RBCK1: variants seen among roughly 807,000 people sequenced by gnomAD.
RBCK1 encodes RANBP2-type and C3HC4-type zinc finger containing 1.
RBCK1 carries 44 observed loss-of-function variants against 71.1 expected under a neutral mutation model. The ratio of observed to expected loss-of-function variants is 0.62; its 90% CI spans 0.49 to 0.80. The LOEUF (loss-of-function observed/expected upper bound fraction) is 0.80. Among genes scored for constraint, RBCK1 ranks in the 30% least tolerant of loss-of-function variants. The probability of loss-of-function intolerance (pLI) is 0.00; values close to 1 mark genes in which losing one functional copy is unlikely to be tolerated. For missense variants in RBCK1, 569 were observed against 685.0 expected (o/e 0.83, Z 1.89); for synonymous variants, 306 against 279.7 (o/e 1.09, Z -0.94).
rs374991295 is a variant in RBCK1, at chr20:428,908, C to T, written c.1309-43C>T. ...CATGGGGAGGGGCCAGGCTGGGTGA[C>T]TGCCCCAGCCCCGCCCCAGGGCCAG... On this transcript the variant is annotated intron_variant, in intron 10 of 11. Coordinates refer to ENST00000356286, the MANE Select transcript of RBCK1 (RefSeq NM_031229.4). This position sits in a 1 kb window ranked among gnomAD's most constrained non-coding sequence, Gnocchi z 5.7. 14 of 1,562,806 alleles carry T rather than the reference C, an allele frequency of 9.0e-6. No individual in the cohort carries two copies. The highest frequency in any genetic ancestry group is 2.3e-5 in the South Asian group (2 of 85,222).
At chr20:427,155 A>G (rs2016769661) in intron 8 of RBCK1, among the ~76,000 whole-genome samples, 158 bp from the exon 9 acceptor site, 1 of 151,982 alleles carries the variant, frequency 6.6e-6, no homozygotes. Flanking sequence ...CCACTCTTTG[A>G]ATGGAGTTTT....
At position 428,542 on chromosome 20, in the gene RBCK1, C is replaced by T. The variant is rs771360977; in HGVS notation, c.1261C>T (p.Arg421Trp). ...CKEYQEDLALRAQNDVAARQT... is the reference protein window; with the variant it reads ...CKEYQEDLALWAQNDVAARQT... ...GGAGTATCAGGAGGACCTGGCCCTGCGGGCTCAGAACGATGTGGCTGCCCG... is the reference window on the plus strand; with the variant it reads ...GGAGTATCAGGAGGACCTGGCCCTGTGGGCTCAGAACGATGTGGCTGCCCG... Residue 421 changes from arginine (R) to tryptophan (W), a missense_variant, in exon 10 of 12, where the codon CGG becomes TGG. Arg to Trp is a moderately radical substitution (Grantham distance 101, BLOSUM62 -3). Coordinates refer to ENST00000356286, the MANE Select transcript of RBCK1 (RefSeq NM_031229.4). The surrounding 1 kb of genome is among the most constrained non-coding windows in gnomAD (Gnocchi z 5.7). 1.2e-5 allele frequency: 20 copies of T among 1,612,444 alleles called. No homozygotes were observed. Among genetic ancestry groups the T allele is most frequent in the Non-Finnish European group, 1.5e-5 (18 of 1,179,446 alleles).
intron 4 of RBCK1, among the ~76,000 whole-genome samples, chr20:418,134 G>A (rs945192648): frequency 4.6e-5 from 7 of 152,192 alleles, no homozygotes; most frequent in African/African-American, 1.7e-4. Context: ...ACGGGGAGGG[G>A]TGGACTCCGT....
In RBCK1 at chr20:417,910, G is replaced by A. The variant is rs756500607; in HGVS notation, c.440G>A (p.Arg147Gln). 1.9e-6 allele frequency: 3 copies of A among 1,608,828 alleles called. No homozygotes were observed. Among genetic ancestry groups the A allele is most frequent in the African/African-American group, 1.3e-5 (1 of 74,932 alleles). Residue 147 changes from arginine to glutamine, a missense_variant, in exon 4 of 12, where the codon CGG becomes CAG. Coordinates refer to ENST00000356286, the MANE Select transcript of RBCK1 (RefSeq NM_031229.4). The surrounding 1 kb of genome is among the most constrained non-coding windows in gnomAD (Gnocchi z 4.7). The part of the protein sequence containing the change: ...SLNPQELQRE[R>Q]QLRMLEDLGF... ...AACCCTCAGGAGCTGCAGCGGGAGC[G>A]GCAGCTGCGGATGCTGGAAGGTGAG...
In RBCK1 at chr20:417,759, G is replaced by C. The variant is rs377298288; in HGVS notation, c.289G>C (p.Val97Leu). 6.2e-7 allele frequency: 1 copy of C among 1,613,988 alleles called. No individual in the cohort carries two copies. The highest frequency in any genetic ancestry group is 1.1e-5 in the South Asian group (1 of 91,078). The change falls in exon 4 of 12, where the codon GTC becomes CTC. Residue 97 changes from valine (V) to leucine (L), a missense_variant. Around this residue, in one of 2 missense-constraint regions of RBCK1, gnomAD observed 358 missense variants for 375.6 expected, o/e 0.95. Coordinates refer to ENST00000356286, the MANE Select transcript of RBCK1 (RefSeq NM_031229.4). The surrounding 1 kb of genome is among the most constrained non-coding windows in gnomAD (Gnocchi z 4.7). ...TTTTCTGGACTATGGCTTCCCACCA[G>C]TCTTGCAGCAGTGGGTGATTGGGCA... The part of the protein sequence containing the change: ...MVFLDYGFPP[V>L]LQQWVIGQRL...
chr20:421,167 C>G, intron 7 of RBCK1, 136 bp downstream of exon 7: 2 of 1,140,102 alleles, frequency 1.8e-6, no homozygotes, highest in South Asian at 1.6e-5. Flanking sequence ...GGCTCCGTCT[C>G]CCCATGTTGC....
chr20:410,686 C>T lies in RBCK1; in HGVS notation c.167+661C>T, dbSNP rs568390660. 2.2e-5 allele frequency: 14 copies of T among 643,786 alleles called. No individual in the cohort carries two copies. In the Middle Eastern group the frequency reaches 9.6e-4, roughly 44 times the overall value. The allele number at this position is 643,786 out of a possible 1,614,324, so 39.9% of individuals were successfully genotyped here. ...TACTGTCGGTCTGTGCTCCAGGAGA[C>T]TTAAACTCAATGCTGAAACACTTTG... On this transcript the variant is annotated intron_variant, in intron 2 of 11. Coordinates refer to ENST00000356286, the MANE Select transcript of RBCK1 (RefSeq NM_031229.4).
rs575457871 is a variant in RBCK1 at position 419,867 on chromosome 20, C to A, written c.756+136C>A. Reference sequence around the variant, plus strand: ...CCCAACCATGCTGCTGGCAGTGACCCTGCACCTGGCTGTGACCCTGCACCT... The same window carrying A: ...CCCAACCATGCTGCTGGCAGTGACCATGCACCTGGCTGTGACCCTGCACCT... On this transcript the variant is annotated intron_variant, in intron 6 of 11. Coordinates refer to ENST00000356286, the MANE Select transcript of RBCK1 (RefSeq NM_031229.4). 57,141 of 380,508 alleles carry A rather than the reference C, an allele frequency of 0.15. 1,311 individuals carry two copies. Among genetic ancestry groups the A allele is most frequent in the African/African-American group, 0.25 (2,078 of 8,332 alleles). The allele number at this position is 380,508 out of a possible 1,614,324, so 23.6% of individuals were successfully genotyped here.
intron 8 of RBCK1, among the ~76,000 whole-genome samples, chr20:426,335 C>T (rs530917281): frequency 6.6e-6 from 1 of 152,334 alleles, no homozygotes; most frequent in Admixed American, 6.5e-5. Context: ...GCCATCCCCA[C>T]TCCCCTGCCA....
chr20:409,921 C>A lies in RBCK1; in HGVS notation c.63C>A (p.Gly21=), dbSNP rs749576109. The change falls in exon 2 of 12, where the codon GGC becomes GGA. Residue 21 remains glycine (G), a synonymous_variant. Coordinates refer to ENST00000356286, the MANE Select transcript of RBCK1 (RefSeq NM_031229.4). ...TGAGCCTCACCCGAGCAGTGGCGGG[C>A]GGGGATGAACAGGTGGCAATGAAGT... The part of the protein sequence containing the change: ...MALSLTRAVA[G]GDEQVAMKCA... The A allele has an allele frequency of 1.2e-6, 2 of 1,613,794 alleles. No homozygotes were observed. Among genetic ancestry groups the A allele is most frequent in the South Asian group, 1.1e-5 (1 of 91,078 alleles).
Position 419,442 on chromosome 20 carries a change from C to T in RBCK1, c.556C>T (p.Pro186Ser). Residue 186 changes from proline (P) to serine (S), a missense_variant, in exon 5 of 12, where the codon CCA becomes TCA. Transcript: ENST00000356286. ...GVPQEPGRGQ[P>S]DAVPEPPPVG... ...CCCCCAGGAACCCGGACGGGGGCAG[C>T]CAGATGCAGTGCCTGAGCCCCCACC... 5 of 1,608,314 alleles carry T rather than the reference C, an allele frequency of 3.1e-6. No homozygotes were observed. The highest frequency in any genetic ancestry group is 4.2e-6 in the Non-Finnish European group (5 of 1,177,666).
chr20:416,645 T>A (rs1211788562), intron 2 of RBCK1, among the ~76,000 whole-genome samples: 1 of 152,050 alleles, frequency 6.6e-6, no homozygotes, highest in Non-Finnish European at 1.5e-5. Context: ...TTTCCAAACA[T>A]GTTGGAGGAT....
At chr20:424,563 G>A (rs1044938649) in intron 8 of RBCK1, among the ~76,000 whole-genome samples, 1 of 152,182 alleles carries the variant, frequency 6.6e-6, no homozygotes, top group Admixed American at 6.5e-5. Context: ...AACTTTGGGA[G>A]TTCACAGCTC....
chr20:430,421 C>A lies in RBCK1; in HGVS notation c.1524C>A (p.Asn508Lys), dbSNP rs1222366622. 1 of 1,611,586 alleles carries A rather than the reference C, an allele frequency of 6.2e-7. No homozygotes were observed. The highest frequency in any genetic ancestry group is 2.2e-5 in the East Asian group (1 of 44,876). Reference sequence around the variant, plus strand: ...TTCCTTGCCACCCAAGCTGTCAGAACTGCCACTGAGCTAAAGATGGTGGGG... The same window carrying A: ...TTCCTTGCCACCCAAGCTGTCAGAAATGCCACTGAGCTAAAGATGGTGGGG... The part of the protein sequence containing the change: ...NGIPCHPSCQ[N>K]CH The change falls in exon 12 of 12, where the codon AAC becomes AAA. Residue 508 changes from asparagine to lysine, a missense_variant. This residue lies in a region of RBCK1 where 211 missense variants were observed against 309.4 expected (regional missense o/e 0.68). Transcript: ENST00000356286. The surrounding 1 kb of genome is among the most constrained non-coding windows in gnomAD (Gnocchi z 5.6).
chr20:414,247 C>CA (rs1332388611), intron 2 of RBCK1, among the ~76,000 whole-genome samples: 1 of 151,864 alleles, frequency 6.6e-6, no homozygotes, highest in East Asian at 1.9e-4. Flanking sequence ...CTTGTCTCTG[C>CA]AAAAAATAAA....
In RBCK1 at chr20:429,028, G is replaced by C. The variant is rs1390985798; in HGVS notation, c.1386G>C (p.Trp462Cys). The C allele has an allele frequency of 6.2e-7, 1 of 1,612,538 alleles. No homozygotes were observed. Among genetic ancestry groups the C allele is most frequent in the Non-Finnish European group, 8.5e-7 (1 of 1,179,956 alleles). ...TACAGAAGAAGGACGGCTGCGACTG[G>C]ATCCGCTGCACCGTCTGCCACACCG... Reference protein sequence around the residue: ...IVVQKKDGCDWIRCTVCHTEI... With the variant: ...IVVQKKDGCDCIRCTVCHTEI... Residue 462 changes from tryptophan to cysteine, a missense_variant, in exon 11 of 12, where the codon TGG becomes TGC. By Grantham distance (215) the Trp-to-Cys change is radical (BLOSUM62 -2). Coordinates refer to ENST00000356286, the MANE Select transcript of RBCK1 (RefSeq NM_031229.4).
intron 6 of RBCK1, chr20:420,014 A>G (rs1600294419): frequency 2.0e-6 from 2 of 984,676 alleles, no homozygotes. Context: ...CCCAGCTTTG[A>G]CACACCACAC....
At chr20:424,618 T>C (rs2016607669) in intron 8 of RBCK1, among the ~76,000 whole-genome samples, 1 of 152,198 alleles carries the variant, frequency 6.6e-6, no homozygotes, top group Admixed American at 6.5e-5. Context: ...CTCTGGGTGG[T>C]TGCTGAGGCT....
chr20:420,807 C>G (rs1193190651), intron 6 of RBCK1, 64 bp from the exon 7 acceptor site: 31 of 1,471,202 alleles, frequency 2.1e-5, no homozygotes, highest in African/African-American at 6.2e-5. Flanking sequence ...GGCCCTTCCC[C>G]CTTCGGGGTC....
Sources: gnomAD v4.1 joint callset for allele counts (sites outside exome capture counted in the v4.1 genomes callset) on GRCh38, gnomAD v4.1.1 for gene constraint, gnomAD v4.1.1 regional missense constraint, Gnocchi (gnomAD v3.1) non-coding constraint, MANE v1.5 for transcripts, NCBI Gene and HGNC (gene_info 2026-07-23, HGNC 2026-07-21) for gene names.